Variants in NR3C2 observed in about 807,000 individuals in gnomAD.
NR3C2 encodes nuclear receptor subfamily 3 group C member 2.
In NR3C2, 15 loss-of-function variants were observed where a neutral mutation model predicts 86.4. The observed-to-expected ratio is 0.17, with a 90% CI of 0.12 to 0.27. NR3C2 has a LOEUF of 0.27. NR3C2 is among the 10% of genes least tolerant of loss of function. The probability of loss-of-function intolerance (pLI) is 1.00; values close to 1 mark genes in which losing one functional copy is unlikely to be tolerated. For missense variants in NR3C2, 960 were observed against 1,195.6 expected (o/e 0.80, Z 2.91); for synonymous variants, 458 against 450.5 (o/e 1.02, Z -0.21).
chr4:148,137,389 CAAT>C (rs1387420871), intron 6 of NR3C2, among the ~76,000 whole-genome samples: 3 of 151,992 alleles, frequency 2.0e-5, no homozygotes, highest in Non-Finnish European at 4.4e-5. Context: ...GAAAGAGTGA[CAAT>C]AATATCTGCT....
chr4:148,159,268 A>T (rs1346634223), intron 4 of NR3C2, among the ~76,000 whole-genome samples: 4 of 152,192 alleles, frequency 2.6e-5, no homozygotes, highest in Non-Finnish European at 5.9e-5. Flanking sequence ...ACTATTACAT[A>T]TATAAAGTAT....
chr4:148,289,287 A>C (rs921914863), intron 2 of NR3C2, among the ~76,000 whole-genome samples: 7 of 151,738 alleles, frequency 4.6e-5, no homozygotes, highest in African/African-American at 1.2e-4. Context: ...AAAAAAAAAA[A>C]AAACCATGAT....
chr4:148,269,073 ATGAC>A (rs1286565221), intron 2 of NR3C2, among the ~76,000 whole-genome samples: 1 of 152,208 alleles, frequency 6.6e-6, no homozygotes, highest in African/African-American at 2.4e-5. Flanking sequence ...TTGTGGAACA[ATGAC>A]TGACTGAGCC....
At chr4:148,152,388 A>T (rs547282057) in intron 6 of NR3C2, 81 bp downstream of exon 6, 2 of 1,478,876 alleles carry the variant, frequency 1.4e-6, no homozygotes, top group African/African-American at 2.8e-5. Flanking sequence ...ACCAACGTAC[A>T]TCTGTTTAGA....
intron 2 of NR3C2, among the ~76,000 whole-genome samples, chr4:148,357,853 T>TA (rs369302459): frequency 3.6e-4 from 55 of 152,096 alleles, no homozygotes; most frequent in African/African-American, 1.2e-3. Context: ...TGAGGAGGGT[T>TA]AAAAAAAATG....
intron 4 of NR3C2, 32 bp from the exon 5 acceptor site, chr4:148,154,933 T>A: frequency 1.3e-6 from 2 of 1,510,760 alleles, no homozygotes; most frequent in Non-Finnish European, 1.8e-6. Context: ...AAGGCCAAAT[T>A]AAAATTATGT....
At chr4:148,430,152 T>C (rs1053753750) in intron 2 of NR3C2, among the ~76,000 whole-genome samples, 1 of 152,126 alleles carries the variant, frequency 6.6e-6, no homozygotes, top group East Asian at 1.9e-4. Flanking sequence ...AATATCTCCA[T>C]AGTAAGAACT....
At chr4:148,324,521 T>C (rs1383530614) in intron 2 of NR3C2, among the ~76,000 whole-genome samples, 2 of 152,182 alleles carry the variant, frequency 1.3e-5, no homozygotes. Flanking sequence ...TTGGCAAGAC[T>C]GCAGGGAGAG....
intron 2 of NR3C2, among the ~76,000 whole-genome samples, chr4:148,269,636 AC>A (rs1740572148): frequency 1.3e-5 from 2 of 152,148 alleles, no homozygotes; most frequent in African/African-American, 4.8e-5. Flanking sequence ...AAAACAAACA[AC>A]AAAAAACCCC....
upstream of NR3C2, chr4:148,444,633 G>C (rs1348075889): frequency 1.0e-5 from 10 of 986,156 alleles, no homozygotes; most frequent in Non-Finnish European, 1.2e-5. Context: ...GCTGATCGGC[G>C]GTGAGGATGG....
At chr4:148,220,533 T>C (rs1172534557) in intron 3 of NR3C2, among the ~76,000 whole-genome samples, 1 of 152,174 alleles carries the variant, frequency 6.6e-6, no homozygotes, top group African/African-American at 2.4e-5. Flanking sequence ...TGGCCAGGCA[T>C]GGTGGCTCGT....
intron 3 of NR3C2, among the ~76,000 whole-genome samples, chr4:148,197,763 T>G (rs565686444): frequency 6.6e-6 from 1 of 152,362 alleles, no homozygotes; most frequent in South Asian, 2.1e-4. Flanking sequence ...TGCAGACATG[T>G]CATTTTCAGA....
intron 2 of NR3C2, among the ~76,000 whole-genome samples, chr4:148,394,556 G>C (rs1202660929): frequency 1.3e-5 from 2 of 151,774 alleles, no homozygotes; most frequent in Admixed American, 6.6e-5. Context: ...GCAGAGTGTG[G>C]TGGCACACAT....
chr4:148,260,242 A>C, intron 2 of NR3C2, 125 bp from the exon 3 acceptor site: 1 of 1,193,598 alleles, frequency 8.4e-7, no homozygotes, highest in Non-Finnish European at 1.2e-6. Flanking sequence ...TAATGACCAC[A>C]TACTATGTGA....
intron 2 of NR3C2, among the ~76,000 whole-genome samples, chr4:148,358,769 C>T (rs1224704029): frequency 6.6e-6 from 1 of 152,110 alleles, no homozygotes; most frequent in Non-Finnish European, 1.5e-5. Flanking sequence ...TTTCAACACA[C>T]TTATAGCTAT....
At chr4:148,090,960 C>T (rs1368060466) in intron 8 of NR3C2, among the ~76,000 whole-genome samples, 2 of 152,230 alleles carry the variant, frequency 1.3e-5, no homozygotes, top group African/African-American at 2.4e-5. Context: ...GGGCATTTGA[C>T]TCTGTAAGCA....
chr4:148,090,315 C>T (rs1731003229), intron 8 of NR3C2, among the ~76,000 whole-genome samples: 1 of 152,172 alleles, frequency 6.6e-6, no homozygotes, highest in African/African-American at 2.4e-5. Flanking sequence ...ATGGGCTTGG[C>T]ACATGACCTG....
At chr4:148,292,578 G>C (rs1741850274) in intron 2 of NR3C2, among the ~76,000 whole-genome samples, 1 of 152,096 alleles carries the variant, frequency 6.6e-6, no homozygotes, top group South Asian at 2.1e-4. Context: ...GTTCCTCTTA[G>C]TCCCTATCTG....
intron 3 of NR3C2, among the ~76,000 whole-genome samples, chr4:148,199,368 A>G (rs1736602383): frequency 6.6e-6 from 1 of 152,180 alleles, no homozygotes; most frequent in African/African-American, 2.4e-5. Context: ...CCTATCTGCA[A>G]CTCAGCTAAG....
Sources: allele counts gnomAD v4.1 joint callset (sites outside exome capture counted in the v4.1 genomes callset), GRCh38; gene constraint gnomAD v4.1.1; transcripts MANE v1.5; gene names NCBI Gene and HGNC (gene_info 2026-07-23, HGNC 2026-07-21).